VOPP1: variants seen among roughly 807,000 people sequenced by gnomAD.
VOPP1 encodes VOPP1 WW domain binding protein.
VOPP1 carries 8 observed loss-of-function variants against 23.5 expected under a neutral mutation model. The ratio of observed to expected loss-of-function variants is 0.34; its 90% CI spans 0.20 to 0.61. The LOEUF (loss-of-function observed/expected upper bound fraction) is 0.61, where lower values mean the gene tolerates loss of function less well. Ranked by LOEUF, VOPP1 falls within the 20% of genes least tolerant of loss-of-function variation. The pLI is 0.78. For missense variants in VOPP1, 174 were observed against 238.1 expected (o/e 0.73, Z 1.77); for synonymous variants, 83 against 97.3 (o/e 0.85, Z 0.86).
chr7:55,516,651 TACA>T (rs899329677), intron 2 of VOPP1, among the ~76,000 whole-genome samples: 4 of 152,134 alleles, frequency 2.6e-5, no homozygotes, highest in Non-Finnish European at 5.9e-5. Flanking sequence ...GTAAAATCTC[TACA>T]ACAAGTTTGC....
At chr7:55,550,504 C>G (rs1266157603) in intron 1 of VOPP1, among the ~76,000 whole-genome samples, 1 of 152,204 alleles carries the variant, frequency 6.6e-6, no homozygotes, top group Non-Finnish European at 1.5e-5. Flanking sequence ...GTCTTTAAAT[C>G]TGTCAGTAAG....
At chr7:55,484,284 T>G (rs1792962056) in intron 4 of VOPP1, among the ~76,000 whole-genome samples, 1 of 152,242 alleles carries the variant, frequency 6.6e-6, no homozygotes, top group South Asian at 2.1e-4. Flanking sequence ...TGTAGAGACA[T>G]CCCAGGAACT....
intron 1 of VOPP1, 123 bp downstream of exon 1, chr7:55,572,148 C>A: frequency 1.4e-6 from 1 of 705,526 alleles, no homozygotes; most frequent in Admixed American, 3.7e-5. Context: ...GGCTGTGGCT[C>A]CCCGTCGCTC....
intron 1 of VOPP1, among the ~76,000 whole-genome samples, chr7:55,567,079 A>G (rs1430357548): frequency 6.6e-6 from 1 of 152,198 alleles, no homozygotes; most frequent in Non-Finnish European, 1.5e-5. Flanking sequence ...TTCCATCACT[A>G]GAGGTGCTCT....
chr7:55,562,870 G>C (rs1168347465), intron 1 of VOPP1, among the ~76,000 whole-genome samples: 2 of 152,148 alleles, frequency 1.3e-5, no homozygotes, highest in East Asian at 1.9e-4. Context: ...ATCTCAACTG[G>C]TTTCAAATTC....
intron 4 of VOPP1, among the ~76,000 whole-genome samples, chr7:55,483,822 G>C (rs563690834): frequency 2.6e-5 from 4 of 152,278 alleles, no homozygotes; most frequent in Admixed American, 2.0e-4. Flanking sequence ...GCAACAGTGC[G>C]ATCAGATCAT....
intron 1 of VOPP1, among the ~76,000 whole-genome samples, chr7:55,552,452 G>A: frequency 6.6e-6 from 1 of 152,130 alleles, no homozygotes; most frequent in East Asian, 1.9e-4. Context: ...AAGGATGCCA[G>A]CTACCCCTTA....
At chr7:55,444,728 T>A (rs1791053762) in intron 4 of VOPP1, among the ~76,000 whole-genome samples, 1 of 151,804 alleles carries the variant, frequency 6.6e-6, no homozygotes, top group African/African-American at 2.4e-5. Context: ...TTTTTTTTTT[T>A]AAATCTAAAC....
chr7:55,445,232 CACACACACACAG>C (rs1323585480), intron 4 of VOPP1, among the ~76,000 whole-genome samples: 7 of 139,050 alleles, frequency 5.0e-5, no homozygotes, highest in African/African-American at 2.0e-4. Flanking sequence ...CACACACAGA[CACACACACACAG>C]ACACACACAC....
At chr7:55,455,808 T>A (rs527612205) in intron 4 of VOPP1, among the ~76,000 whole-genome samples, 30 of 152,310 alleles carry the variant, frequency 2.0e-4, no homozygotes, top group African/African-American at 7.0e-4. Flanking sequence ...TAACTCAAGA[T>A]GGATTAAATA....
intron 1 of VOPP1, among the ~76,000 whole-genome samples, chr7:55,530,371 A>T (rs891801777): frequency 6.6e-6 from 1 of 152,180 alleles, no homozygotes; most frequent in Non-Finnish European, 1.5e-5. Flanking sequence ...CAGCTCAATC[A>T]GAAGGCAAAA....
At chr7:55,490,118 C>A (rs1793458259) in intron 4 of VOPP1, among the ~76,000 whole-genome samples, 1 of 152,068 alleles carries the variant, frequency 6.6e-6, no homozygotes, top group Non-Finnish European at 1.5e-5. Flanking sequence ...TGTGGACTTA[C>A]ACTGTGAGCC....
At chr7:55,531,700 GA>G (rs929937836) in intron 1 of VOPP1, among the ~76,000 whole-genome samples, 3 of 151,852 alleles carry the variant, frequency 2.0e-5, no homozygotes, top group Non-Finnish European at 2.9e-5. Context: ...GTAACATTAT[GA>G]AAAAAAAGTC....
chr7:55,563,631 T>C (rs766285727), intron 1 of VOPP1, among the ~76,000 whole-genome samples: 1 of 152,254 alleles, frequency 6.6e-6, no homozygotes, highest in Non-Finnish European at 1.5e-5. Flanking sequence ...TATGTTCATA[T>C]ATATCTTACA....
At chr7:55,552,696 G>A (rs1007818125) in intron 1 of VOPP1, 7 of 1,535,974 alleles carry the variant, frequency 4.6e-6, no homozygotes, top group African/African-American at 1.4e-5. Flanking sequence ...TCAGGTCCTG[G>A]AGCCCCAGCC....
intron 3 of VOPP1, chr7:55,492,978 G>T (rs531768946): frequency 6.6e-6 from 1 of 152,288 alleles, no homozygotes; most frequent in African/African-American, 2.4e-5. Flanking sequence ...GAGAAACTAT[G>T]GGAATAGAAA....
chr7:55,481,561 A>G (rs186467421), intron 4 of VOPP1, among the ~76,000 whole-genome samples: 2 of 152,362 alleles, frequency 1.3e-5, no homozygotes, highest in African/African-American at 4.8e-5. Context: ...AGGGCGGAGG[A>G]AAGAACCAGC....
At chr7:55,461,153 T>C (rs922412722) in intron 4 of VOPP1, among the ~76,000 whole-genome samples, 4 of 152,048 alleles carry the variant, frequency 2.6e-5, no homozygotes, top group Non-Finnish European at 5.9e-5. Flanking sequence ...CCAAACACCA[T>C]ATGTTCTCAC....
chr7:55,446,141 C>T (rs376088348), intron 4 of VOPP1, among the ~76,000 whole-genome samples: 14 of 151,988 alleles, frequency 9.2e-5, no homozygotes, highest in East Asian at 3.9e-4. Flanking sequence ...TACAGGTGCC[C>T]GCCACCACGC....
Sources: allele counts gnomAD v4.1 joint callset (sites outside exome capture counted in the v4.1 genomes callset), GRCh38; gene constraint gnomAD v4.1.1; transcripts MANE v1.5; gene names NCBI Gene and HGNC (gene_info 2026-07-23, HGNC 2026-07-21).